DPYSL2: variants seen among roughly 807,000 people sequenced by gnomAD.
DPYSL2 encodes the protein dihydropyrimidinase like 2.
In DPYSL2, 13 loss-of-function variants were observed where a neutral mutation model predicts 69.9. The ratio of observed to expected loss-of-function variants is 0.19; its 90% CI spans 0.12 to 0.30. The LOEUF is 0.30. DPYSL2 is among the 10% of genes least tolerant of loss of function. DPYSL2 has a pLI of 1.00. For missense variants in DPYSL2, 587 were observed against 918.9 expected, an observed-to-expected ratio of 0.64 and a Z score of 4.67; for synonymous variants, 326 against 359.1, an observed-to-expected ratio of 0.91 and a Z score of 1.04.
chr8:26,598,199 G>A lies in DPYSL2; in HGVS notation c.628+14216G>A, dbSNP rs327232. On this transcript the variant is annotated intron_variant, in intron 3 of 13. Coordinates refer to ENST00000521913, the MANE Select transcript of DPYSL2 (RefSeq NM_001197293.3). This position sits in a 1 kb window ranked among gnomAD's most constrained non-coding sequence, Gnocchi z 4.2. ...CCGTTGAAGCTTTTTATATTGACCCGTGGCTACTGTGGTATTCGAAGGGCT... is the reference window on the plus strand; with the variant it reads ...CCGTTGAAGCTTTTTATATTGACCCATGGCTACTGTGGTATTCGAAGGGCT... Among the ~76,000 whole-genome samples the A allele has an allele frequency of 0.22, 33,130 of 152,028 alleles. 3,720 individuals are homozygous for A. Among genetic ancestry groups the A allele is most frequent in the African/African-American group, 0.26 (10,865 of 41,456 alleles).
chr8:26,585,466 A>T lies in DPYSL2; in HGVS notation c.628+1483A>T, dbSNP rs937936387. ...CTCCTGTTTCAGCTTTCTTGGCACC[A>T]CTGAGAAAAGCCTCCAAGTGTAAGC... On this transcript the variant is annotated intron_variant, in intron 3 of 13. Transcript: ENST00000521913. The surrounding 1 kb of genome is among the most constrained non-coding windows in gnomAD (Gnocchi z 4.0). 1.3e-5 allele frequency among the ~76,000 whole-genome samples: 2 copies of T among 152,140 alleles called. No homozygotes were observed. Among genetic ancestry groups the T allele is most frequent in the African/African-American group, 4.8e-5 (2 of 41,420 alleles).
chr8:26,630,810 T>A (rs147318403), intron 7 of DPYSL2, among the ~76,000 whole-genome samples: 159 of 152,324 alleles, frequency 1.0e-3, no homozygotes, highest in East Asian at 7.1e-3. Context: ...GGGTCCTGCC[T>A]GCTACCCCAA....
rs1405603428 is a variant in DPYSL2 at position 26,617,432 on chromosome 8, C to T, written c.629-6711C>T. 1.3e-5 allele frequency among the ~76,000 whole-genome samples: 2 copies of T among 152,116 alleles called. No individual in the cohort carries two copies. Among genetic ancestry groups the T allele is most frequent in the African/African-American group, 4.8e-5 (2 of 41,430 alleles). On this transcript the variant is annotated intron_variant, in intron 3 of 13. Transcript: ENST00000521913. The surrounding 1 kb of genome is among the most constrained non-coding windows in gnomAD (Gnocchi z 4.7). ...ATTGCTTGAGCCCAGGAGATCAGGA[C>T]TGCAGTGAGCTGTGATTGCACTACT...
chr8:26,579,008 A>C (rs942912038), intron 1 of DPYSL2, among the ~76,000 whole-genome samples: 5 of 149,312 alleles, frequency 3.3e-5, no homozygotes, highest in Admixed American at 6.7e-5. Context: ...CCTGGCGGGG[A>C]TTCGGGCTCT....
intron 7 of DPYSL2, among the ~76,000 whole-genome samples, chr8:26,630,137 T>A (rs1264858983): frequency 6.6e-6 from 1 of 152,224 alleles, no homozygotes; most frequent in African/African-American, 2.4e-5. Flanking sequence ...CAGACACGCA[T>A]AGGTGTACAC....
At position 26,621,781 on chromosome 8, in the gene DPYSL2, C is replaced by T. The variant is rs1420208718; in HGVS notation, c.629-2362C>T. Reference sequence around the variant, plus strand: ...TGGGCAGGTCAAAGTGAAGAATGGCCGGGGTGGCCATTGTGGGTGAGCAGG... The same window carrying T: ...TGGGCAGGTCAAAGTGAAGAATGGCTGGGGTGGCCATTGTGGGTGAGCAGG... On this transcript the variant is annotated intron_variant, in intron 3 of 13. Coordinates refer to ENST00000521913, the MANE Select transcript of DPYSL2 (RefSeq NM_001197293.3). The surrounding 1 kb of genome is among the most constrained non-coding windows in gnomAD (Gnocchi z 4.9). 6.6e-6 allele frequency among the ~76,000 whole-genome samples: 1 copy of T among 151,954 alleles called. No individual in the cohort carries two copies.
rs994646212 is a variant in DPYSL2 at position 26,586,210 on chromosome 8, T to C, written c.628+2227T>C. Among the ~76,000 whole-genome samples, 1 of 152,210 alleles carries C rather than the reference T, an allele frequency of 6.6e-6. No homozygotes were observed. ...TAGGAGTCTGGAGTGCTGGCCCCCT[T>C]CTGACACTGACTTGCCGTGTGACCT... On this transcript the variant is annotated intron_variant, in intron 3 of 13. Transcript: ENST00000521913. The surrounding 1 kb of genome is among the most constrained non-coding windows in gnomAD (Gnocchi z 4.7).
At position 26,652,530 on chromosome 8, in the gene DPYSL2, G is replaced by A. The variant is rs878916724; in HGVS notation, c.1776+94G>A. The A allele has an allele frequency of 1.3e-5, 18 of 1,354,972 alleles. No homozygotes were observed. The South Asian group carries it at 2.6e-4, about 20-fold the overall frequency. The allele number at this position is 1,354,972 out of a possible 1,614,324, so 83.9% of individuals were successfully genotyped here. A position where few individuals can be genotyped will look rare whatever the true frequency, so the allele number is the denominator to read the frequency against. ...TAAGCACCTTGAGACAGAATATTAA[G>A]ATGAATTTAGTGGATTCCAGGGATA... is the stretch of plus-strand genomic sequence containing the variant. On this transcript the variant is annotated intron_variant, in intron 12 of 13. Coordinates refer to ENST00000521913, the MANE Select transcript of DPYSL2 (RefSeq NM_001197293.3). This position sits in a 1 kb window ranked among gnomAD's most constrained non-coding sequence, Gnocchi z 6.3.
At chr8:26,618,315 C>CT (rs11384905) in intron 3 of DPYSL2, among the ~76,000 whole-genome samples, 78,703 of 145,802 alleles carry the variant, frequency 0.54, 21,744 homozygotes, top group East Asian at 0.65. Flanking sequence ...GGTTTTACGC[C>CT]TTTTTTTTTT....
Position 26,586,322 on chromosome 8 carries a change from C to G in DPYSL2, c.628+2339C>G, listed in dbSNP as rs1801602000. Among the ~76,000 whole-genome samples, 1 of 152,134 alleles carries G rather than the reference C, an allele frequency of 6.6e-6. No homozygotes were observed. The highest frequency in any genetic ancestry group is 6.5e-5 in the Admixed American group (1 of 15,274). ...GACCCTGGAAGTCCTTTCCAGCCCC[C>G]TACATTTGGCCATTCACTGAAACTC... is the stretch of plus-strand genomic sequence containing the variant. On this transcript the variant is annotated intron_variant, in intron 3 of 13. Transcript: ENST00000521913. The surrounding 1 kb of genome is among the most constrained non-coding windows in gnomAD (Gnocchi z 4.7).
chr8:26,608,843 G>T (rs910127605), intron 3 of DPYSL2, among the ~76,000 whole-genome samples: 1 of 152,184 alleles, frequency 6.6e-6, no homozygotes, highest in Non-Finnish European at 1.5e-5. Flanking sequence ...AATTATGTTG[G>T]CTTTAGAGCG....
chr8:26,627,132 T>C lies in DPYSL2; in HGVS notation c.856-83T>C. On this transcript the variant is annotated intron_variant, in intron 5 of 13. Coordinates refer to ENST00000521913, the MANE Select transcript of DPYSL2 (RefSeq NM_001197293.3). This position sits in a 1 kb window ranked among gnomAD's most constrained non-coding sequence, Gnocchi z 6.9. Reference sequence around the variant, plus strand: ...GGTGTCCTGTTTCTCATCCCAGAAATGCCTCTGGTGGGGAGATGATTGTCT... The same window carrying C: ...GGTGTCCTGTTTCTCATCCCAGAAACGCCTCTGGTGGGGAGATGATTGTCT... 7.7e-7 allele frequency: 1 copy of C among 1,307,050 alleles called. No individual in the cohort carries two copies. The highest frequency in any genetic ancestry group is 1.2e-5 in the South Asian group (1 of 82,306). 81.0% of individuals were successfully genotyped at this position (1,307,050 alleles called of 1,614,324 possible).
intron 1 of DPYSL2, among the ~76,000 whole-genome samples, chr8:26,539,652 G>A (rs1800647788): frequency 6.6e-6 from 1 of 152,126 alleles, no homozygotes; most frequent in South Asian, 2.1e-4. Context: ...TGATTCTCCT[G>A]CCTCAGCCTC....
rs573751466 is a variant in DPYSL2 at position 26,517,773 on chromosome 8, A to G, written c.354+3094A>G. Among the ~76,000 whole-genome samples the G allele has an allele frequency of 6.6e-6, 1 of 152,328 alleles. No homozygotes were observed. The highest frequency in any genetic ancestry group is 2.4e-5 in the African/African-American group (1 of 41,570). On this transcript the variant is annotated intron_variant, in intron 1 of 13. Transcript: ENST00000521913. This position sits in a 1 kb window ranked among gnomAD's most constrained non-coding sequence, Gnocchi z 4.2. ...ACAGGGAGTGATTCTCCTCCTCTCC[A>G]GGGCAGGTGCCGCTGAATGAACTGC...
chr8:26,594,664 A>G (rs1206147342), intron 3 of DPYSL2, among the ~76,000 whole-genome samples: 1 of 152,088 alleles, frequency 6.6e-6, no homozygotes, highest in Non-Finnish European at 1.5e-5. Context: ...TTTCTAATCT[A>G]TCTGTATATA....
In DPYSL2 at chr8:26,657,942, T is replaced by C. The variant is rs17666; in HGVS notation, c.*2236T>C. 0.34 allele frequency: 52,355 copies of C among 152,472 alleles called. 9,736 individuals carry two copies. Among genetic ancestry groups the C allele is most frequent in the African/African-American group, 0.47 (19,337 of 41,420 alleles). The allele number at this position is 152,472 out of a possible 1,614,324, so 9.4% of individuals were successfully genotyped here. ...CTTGATGCTCTAAAACAGTGTAGGATTTAAGAATAGATGGTTTTTAATCCT... is the reference window on the plus strand; with the variant it reads ...CTTGATGCTCTAAAACAGTGTAGGACTTAAGAATAGATGGTTTTTAATCCT... On this transcript the variant is annotated 3_prime_UTR_variant, in exon 14 of 14. Transcript: ENST00000521913.
At position 26,594,154 on chromosome 8, in the gene DPYSL2, T is replaced by A. The variant is rs529354623; in HGVS notation, c.628+10171T>A. On this transcript the variant is annotated intron_variant, in intron 3 of 13. Transcript: ENST00000521913. Reference sequence around the variant, plus strand: ...GTGATCATCCTAATGTGTTTCTAGATGGCTATTTCCACATGTGTAAAGTGG... The same window carrying A: ...GTGATCATCCTAATGTGTTTCTAGAAGGCTATTTCCACATGTGTAAAGTGG... 1.2e-4 allele frequency among the ~76,000 whole-genome samples: 18 copies of A among 152,346 alleles called. No individual in the cohort carries two copies. The South Asian group carries it at 1.4e-3, about 12-fold the overall frequency.
chr8:26,565,367 G>A lies in DPYSL2; in HGVS notation c.355-16602G>A, dbSNP rs546985339. 5.3e-5 allele frequency among the ~76,000 whole-genome samples: 8 copies of A among 152,304 alleles called. No individual in the cohort carries two copies. Among genetic ancestry groups the A allele is most frequent in the African/African-American group, 1.7e-4 (7 of 41,574 alleles). Reference sequence around the variant, plus strand: ...AATAGTGAATTTTAGGGCTGCCCCAGGATTGGGAGGTTGCAGGGTAAGAGT... The same window carrying A: ...AATAGTGAATTTTAGGGCTGCCCCAAGATTGGGAGGTTGCAGGGTAAGAGT... On this transcript the variant is annotated intron_variant, in intron 1 of 13. Transcript: ENST00000521913. This position sits in a 1 kb window ranked among gnomAD's most constrained non-coding sequence, Gnocchi z 4.1.
intron 1 of DPYSL2, among the ~76,000 whole-genome samples, chr8:26,518,931 TC>T (rs1411602660): frequency 6.6e-6 from 1 of 152,166 alleles, no homozygotes; most frequent in Non-Finnish European, 1.5e-5. Context: ...GAAATAGGCT[TC>T]CCCAGGTCTG....
Sources: allele counts gnomAD v4.1 joint callset (sites outside exome capture counted in the v4.1 genomes callset), GRCh38; gene constraint gnomAD v4.1.1; non-coding constraint Gnocchi (gnomAD v3.1); transcripts MANE v1.5; gene names NCBI Gene and HGNC (gene_info 2026-07-23, HGNC 2026-07-21).